Variants in GALC observed in about 807,000 individuals in gnomAD.
GALC encodes the protein galactocerebrosidase.
GALC carries 77 observed loss-of-function variants against 91.8 expected under a neutral mutation model. That is an observed-to-expected ratio of 0.84 (90% CI 0.70 to 1.01). The LOEUF is 1.01. Ranked by LOEUF, GALC falls within the 50% of genes least tolerant of loss-of-function variation. GALC has a pLI of 0.00. For synonymous variants in GALC, 357 were observed against 306.7 expected (o/e 1.16, Z -1.71); for missense variants, 882 against 855.9 (o/e 1.03, Z -0.38).
At chr14:87,965,221 C>A (rs1176308936) in intron 9 of GALC, among the ~76,000 whole-genome samples, 1 of 151,922 alleles carries the variant, frequency 6.6e-6, no homozygotes, top group African/African-American at 2.4e-5. Context: ...GTAATTATAT[C>A]CTTAGATGAT....
intron 12 of GALC, 142 bp downstream of exon 12, chr14:87,949,703 C>T (rs1329844016): frequency 1.8e-6 from 1 of 569,884 alleles, no homozygotes; most frequent in African/African-American, 1.9e-5. Context: ...TCCACCAAGA[C>T]AAACTAAATG....
chr14:87,937,337 A>G (rs531153213), intron 16 of GALC, among the ~76,000 whole-genome samples: 7 of 151,968 alleles, frequency 4.6e-5, no homozygotes, highest in Non-Finnish European at 1.0e-4. Context: ...GAGCTAAAAG[A>G]TAAGTAGCAT....
chr14:87,947,793 C>T lies in GALC; in HGVS notation c.1424G>A (p.Gly475Asp). The change falls in exon 13 of 17, where the codon GGC (glycine) becomes GAC (aspartate). Residue 475 changes from glycine (G) to aspartate (D), a missense_variant. Coordinates refer to ENST00000261304, the MANE Select transcript of GALC (RefSeq NM_000153.4). ...GGATTTTGGAGGAAGCGGGTAGCTG[C>T]CTTTGCGACCAGTGGTGAGAGTGGT... Reference protein sequence around the residue: ...TLTTLTTGRKGSYPLPPKSQP... With the variant: ...TLTTLTTGRKDSYPLPPKSQP... The T allele has an allele frequency of 6.2e-7, 1 of 1,612,890 alleles. No homozygotes were observed. Among genetic ancestry groups the T allele is most frequent in the Non-Finnish European group, 8.5e-7 (1 of 1,179,266 alleles).
Position 87,968,413 on chromosome 14 carries a change from C to T in GALC, c.830G>A (p.Ser277Asn), listed in dbSNP as rs1886145312. The T allele has an allele frequency of 6.2e-7, 1 of 1,613,680 alleles. No homozygotes were observed. The highest frequency in any genetic ancestry group is 8.5e-7 in the Non-Finnish European group (1 of 1,179,798). The change falls in exon 8 of 17, where the codon AGC becomes AAC. Residue 277 changes from serine (S) to asparagine (N), a missense_variant. Coordinates refer to ENST00000261304, the MANE Select transcript of GALC (RefSeq NM_000153.4). The stretch of plus-strand genomic sequence containing the variant: ...TGCACCCATGTCACTATTTAAAGTG[C>T]TAAAGTCTTCAGAAGACCAAAGCTT... ...GKKLWSSEDFSTLNSDMGAGC... is the reference protein window; with the variant it reads ...GKKLWSSEDFNTLNSDMGAGC...
chr14:87,993,373 A>C (rs1431027964), upstream of GALC: 1 of 1,535,548 alleles, frequency 6.5e-7, no homozygotes, highest in Non-Finnish European at 8.7e-7. Context: ...TGGATTTCAC[A>C]TGTACTTACT....
chr14:87,988,518 G>C lies in GALC; in HGVS notation c.201C>G (p.Thr67=), dbSNP rs1384569360. The part of the protein sequence containing the change: ...GIGAVSGGGA[T]SRLLVNYPEP... ...CTGGGTAATTTACTAGAAGTCGGGA[G>C]GTTGCCTAAAAAAAAAAGTTTTCAA... is the stretch of plus-strand genomic sequence containing the variant. The change falls in exon 2 of 17, where the codon ACC becomes ACG. Residue 67 remains threonine, a synonymous_variant. Coordinates refer to ENST00000261304, the MANE Select transcript of GALC (RefSeq NM_000153.4). 4.3e-6 allele frequency: 7 copies of C among 1,610,560 alleles called. No individual in the cohort carries two copies. The highest frequency in any genetic ancestry group is 1.7e-5 in the Admixed American group (1 of 59,980).
intron 1 of GALC, among the ~76,000 whole-genome samples, chr14:87,991,593 T>A (rs542165356): frequency 1.3e-5 from 2 of 152,332 alleles, no homozygotes; most frequent in African/African-American, 4.8e-5. Flanking sequence ...TGGCACAACC[T>A]GGGCTAGGAA....
intron 9 of GALC, 132 bp downstream of exon 9, chr14:87,965,373 A>G: frequency 1.0e-6 from 1 of 972,404 alleles, no homozygotes; most frequent in Non-Finnish European, 1.6e-6. Flanking sequence ...AACACTGGCA[A>G]ATCTTGCTTA....
At chr14:87,951,145 AAT>A (rs959724000) in intron 10 of GALC, among the ~76,000 whole-genome samples, 59 of 150,878 alleles carry the variant, frequency 3.9e-4, no homozygotes, top group Non-Finnish European at 2.5e-4. Context: ...AGAAGTAAAA[AAT>A]ATATATATAT....
At chr14:87,977,562 G>C (rs1302730768) in intron 6 of GALC, among the ~76,000 whole-genome samples, 2 of 152,210 alleles carry the variant, frequency 1.3e-5, no homozygotes. Flanking sequence ...AGGAAGATCA[G>C]ATTTCATACC....
chr14:87,967,782 G>C (rs1886116461), intron 8 of GALC, among the ~76,000 whole-genome samples: 1 of 152,052 alleles, frequency 6.6e-6, no homozygotes, highest in Admixed American at 6.6e-5. Flanking sequence ...TGAGGAATAA[G>C]GAAACCACTC....
chr14:87,992,717 C>A, intron 1 of GALC: 1 of 1,429,916 alleles, frequency 7.0e-7, no homozygotes, highest in Non-Finnish European at 9.1e-7. Flanking sequence ...ACTCTCTGCA[C>A]CTATACTCTC....
Position 87,947,798 on chromosome 14 carries a change from G to A in GALC, c.1419C>T (p.Arg473=), listed in dbSNP as rs1231722280. 1.9e-6 allele frequency: 3 copies of A among 1,612,806 alleles called. No homozygotes were observed. The highest frequency in any genetic ancestry group is 2.5e-6 in the Non-Finnish European group (3 of 1,179,256). Reference sequence around the variant, plus strand: ...TTGGAGGAAGCGGGTAGCTGCCTTTGCGACCAGTGGTGAGAGTGGTGAGTG... The same window carrying A: ...TTGGAGGAAGCGGGTAGCTGCCTTTACGACCAGTGGTGAGAGTGGTGAGTG... ...LFTLTTLTTG[R]KGSYPLPPKS... is the part of the protein sequence containing the mutation. Residue 473 remains arginine, a synonymous_variant, in exon 13 of 17, where the codon CGC becomes CGT. Transcript: ENST00000261304.
At chr14:87,978,000 G>C (rs1166890523) in intron 6 of GALC, among the ~76,000 whole-genome samples, 2 of 152,142 alleles carry the variant, frequency 1.3e-5, no homozygotes, top group African/African-American at 2.4e-5. Context: ...CAGTAGGATT[G>C]AGAACCCCTA....
At chr14:87,944,594 C>T (rs532653667) in intron 14 of GALC, among the ~76,000 whole-genome samples, 3 of 152,106 alleles carry the variant, frequency 2.0e-5, no homozygotes, top group African/African-American at 7.2e-5. Context: ...GGAAGGAATT[C>T]TTCACTGCAC....
chr14:87,992,902 C>T, intron 1 of GALC, 68 bp downstream of exon 1: 1 of 1,457,206 alleles, frequency 6.9e-7, no homozygotes, highest in South Asian at 1.3e-5. Flanking sequence ...GCCGCGGGGG[C>T]TTGTGGGGCT....
At chr14:87,953,929 C>A (rs750650788) in intron 10 of GALC, 2 of 1,610,038 alleles carry the variant, frequency 1.2e-6, no homozygotes, top group Non-Finnish European at 1.7e-6. Flanking sequence ...ATTGATCAAT[C>A]AGAAACTAAG....
At chr14:87,986,926 T>C (rs1415151033) in intron 3 of GALC, 1 of 441,704 alleles carries the variant, frequency 2.3e-6, no homozygotes, top group Non-Finnish European at 4.3e-6. Flanking sequence ...TTGATCTCTC[T>C]GTAGTTTTCA....
intron 16 of GALC, among the ~76,000 whole-genome samples, chr14:87,935,199 C>A (rs768249079): frequency 1.3e-5 from 2 of 152,044 alleles, no homozygotes; most frequent in African/African-American, 4.8e-5. Context: ...GAAAAAAGCT[C>A]ATTAAAATTT....
Sources: allele counts gnomAD v4.1 joint callset (sites outside exome capture counted in the v4.1 genomes callset), GRCh38; gene constraint gnomAD v4.1.1; transcripts MANE v1.5; gene names NCBI Gene and HGNC (gene_info 2026-07-23, HGNC 2026-07-21).